ALCAM: variants seen among roughly 807,000 people sequenced by gnomAD.
ALCAM encodes activated leukocyte cell adhesion molecule, also known as CD166 antigen.
Under a neutral mutation model 70.9 loss-of-function variants are expected in ALCAM, and 30 were observed. The ratio of observed to expected loss-of-function variants is 0.42; its 90% CI spans 0.32 to 0.57. The LOEUF (loss-of-function observed/expected upper bound fraction) is 0.57, where lower values mean the gene tolerates loss of function less well. Among genes scored for constraint, ALCAM ranks in the 20% least tolerant of loss-of-function variants. ALCAM has a pLI of 0.11. For missense variants in ALCAM, 591 were observed against 695.1 expected (o/e 0.85, Z 1.68); for synonymous variants, 249 against 242.5 (o/e 1.03, Z -0.25).
At chr3:105,493,712 T>C (rs966600389) in intron 1 of ALCAM, among the ~76,000 whole-genome samples, 1 of 152,218 alleles carries the variant, frequency 6.6e-6, no homozygotes, top group Non-Finnish European at 1.5e-5. Flanking sequence ...ACACCTTGAT[T>C]TTAGCCCAGT....
intron 1 of ALCAM, among the ~76,000 whole-genome samples, chr3:105,441,490 A>G (rs553162945): frequency 6.6e-6 from 1 of 152,318 alleles, no homozygotes; most frequent in Admixed American, 6.5e-5. Context: ...CTTTTAATCA[A>G]TTGAAAGAAA....
At chr3:105,482,984 A>G (rs1159419864) in intron 1 of ALCAM, among the ~76,000 whole-genome samples, 1 of 152,146 alleles carries the variant, frequency 6.6e-6, no homozygotes, top group Non-Finnish European at 1.5e-5. Flanking sequence ...CTTTGTCCCC[A>G]GCCAATTTCC....
chr3:105,446,220 A>G (rs892549861), intron 1 of ALCAM, among the ~76,000 whole-genome samples: 1 of 152,212 alleles, frequency 6.6e-6, no homozygotes, highest in Non-Finnish European at 1.5e-5. Context: ...GGTATATGAA[A>G]AAATGCTCAT....
intron 2 of ALCAM, among the ~76,000 whole-genome samples, chr3:105,520,614 G>A (rs1242353992): frequency 6.6e-6 from 1 of 152,084 alleles, no homozygotes; most frequent in African/African-American, 2.4e-5. Flanking sequence ...GCTTGATTCT[G>A]GCATTTAGCC....
In ALCAM at chr3:105,442,396, T is replaced by C. The variant is rs563622630; in HGVS notation, c.73+74915T>C. 5.3e-5 allele frequency among the ~76,000 whole-genome samples: 8 copies of C among 152,324 alleles called. No individual in the cohort carries two copies. The East Asian group carries it at 1.3e-3, about 26-fold the overall frequency. The stretch of plus-strand genomic sequence containing the variant: ...ACTTTAAGTGAATATTTAAAATACA[T>C]TTTCAGTTTGTTTCTTAGGATAAGT... On this transcript the variant is annotated intron_variant, in intron 1 of 15. Transcript: ENST00000306107.
intron 14 of ALCAM, among the ~76,000 whole-genome samples, chr3:105,553,355 C>T (rs949952446): frequency 2.0e-5 from 3 of 151,770 alleles, no homozygotes; most frequent in Non-Finnish European, 4.4e-5. Flanking sequence ...CCAGCATCTG[C>T]ACTTTTAAAA....
At chr3:105,509,246 A>G (rs764441836) in intron 1 of ALCAM, among the ~76,000 whole-genome samples, 1 of 151,890 alleles carries the variant, frequency 6.6e-6, no homozygotes, top group Non-Finnish European at 1.5e-5. Context: ...GGATTGCTGG[A>G]TTATCTGGTA....
intron 1 of ALCAM, among the ~76,000 whole-genome samples, chr3:105,438,968 A>G (rs1394687025): frequency 6.6e-6 from 1 of 152,174 alleles, no homozygotes; most frequent in Non-Finnish European, 1.5e-5. Flanking sequence ...ATAATGTTAT[A>G]ATACTACAGA....
chr3:105,440,248 G>T (rs1440875394), intron 1 of ALCAM, among the ~76,000 whole-genome samples: 1 of 152,220 alleles, frequency 6.6e-6, no homozygotes, highest in Non-Finnish European at 1.5e-5. Context: ...AGGAAGTCAA[G>T]AGAACATGAA....
intron 1 of ALCAM, among the ~76,000 whole-genome samples, chr3:105,395,176 A>AT (rs34276566): frequency 0.25 from 38,071 of 151,740 alleles, 5,331 homozygotes; most frequent in Admixed American, 0.44. Flanking sequence ...TGGTATTAAA[A>AT]TTTTTTGGCA....
chr3:105,490,988 C>T (rs1047324038), intron 1 of ALCAM, among the ~76,000 whole-genome samples: 4 of 152,240 alleles, frequency 2.6e-5, no homozygotes, highest in African/African-American at 9.6e-5. Context: ...AGAGGTTCTC[C>T]ATGAAGGCCC....
chr3:105,462,849 T>A (rs1306061172), intron 1 of ALCAM, among the ~76,000 whole-genome samples: 1 of 151,436 alleles, frequency 6.6e-6, no homozygotes, highest in East Asian at 1.9e-4. Context: ...CAAAACATAC[T>A]ATGTTGCTGG....
chr3:105,513,099 C>G (rs2152620530), intron 1 of ALCAM, among the ~76,000 whole-genome samples: 2 of 148,718 alleles, frequency 1.3e-5, no homozygotes, highest in Middle Eastern at 3.4e-3. Context: ...GCACCCCCTT[C>G]CCACGCATAC....
At chr3:105,402,570 G>A (rs1936114996) in intron 1 of ALCAM, among the ~76,000 whole-genome samples, 1 of 152,186 alleles carries the variant, frequency 6.6e-6, no homozygotes, top group South Asian at 2.1e-4. Flanking sequence ...CCGGCCTTTA[G>A]GTGTGCAGGC....
chr3:105,372,001 A>G (rs904127677), intron 1 of ALCAM, among the ~76,000 whole-genome samples: 3 of 152,176 alleles, frequency 2.0e-5, no homozygotes, highest in Non-Finnish European at 4.4e-5. Context: ...ACTTACTGGA[A>G]TACTAAAGAA....
rs757481160 is a variant in ALCAM at position 105,524,497 on chromosome 3, T to C, written c.383T>C (p.Val128Ala). Residue 128 changes from valine to alanine, a missense_variant, in exon 3 of 16, where the codon GTC becomes GCC. Val to Ala is a moderately conservative substitution (Grantham distance 64). Around this residue, in one of 2 missense-constraint regions of ALCAM, gnomAD observed 427 missense variants for 450.4 expected, o/e 0.95. Transcript: ENST00000306107. ...EDNVFEAPTI[V>A]KVFKQPSKPE... Reference sequence around the variant, plus strand: ...AACGTGTTTGAGGCACCTACAATAGTCAAGGTGTTCAGTAAGTAGTCTGCA... The same window carrying C: ...AACGTGTTTGAGGCACCTACAATAGCCAAGGTGTTCAGTAAGTAGTCTGCA... The C allele has an allele frequency of 2.5e-6, 4 of 1,614,060 alleles. No individual in the cohort carries two copies. In the South Asian group the frequency reaches 3.3e-5, roughly 13 times the overall value.
intron 1 of ALCAM, among the ~76,000 whole-genome samples, chr3:105,405,271 TCG>T (rs1936194577): frequency 1.4e-5 from 1 of 70,844 alleles, no homozygotes; most frequent in African/African-American, 5.8e-5. Flanking sequence ...GAGCAAAACT[TCG>T]TCTCAAAAAA....
intron 1 of ALCAM, among the ~76,000 whole-genome samples, chr3:105,488,871 T>G (rs1242229936): frequency 6.6e-6 from 1 of 152,220 alleles, no homozygotes. Flanking sequence ...TATTCTCTTC[T>G]GCAAAATGCA....
intron 14 of ALCAM, among the ~76,000 whole-genome samples, chr3:105,570,887 C>T (rs1354001252): frequency 6.6e-6 from 1 of 151,966 alleles, no homozygotes; most frequent in African/African-American, 2.4e-5. Flanking sequence ...AAGTAGACTG[C>T]AAGGTCATAT....
Sources: allele counts gnomAD v4.1 joint callset (sites outside exome capture counted in the v4.1 genomes callset), GRCh38; gene constraint gnomAD v4.1.1; regional missense constraint gnomAD v4.1.1; transcripts MANE v1.5; gene names NCBI Gene and HGNC (gene_info 2026-07-23, HGNC 2026-07-21).